Variants in CSMD1 observed in about 807,000 individuals in gnomAD.
The protein encoded by CSMD1 is CUB and sushi domain-containing protein 1.
In CSMD1, 213 loss-of-function variants were observed where a neutral mutation model predicts 417.5. The ratio of observed to expected loss-of-function variants is 0.51; its 90% confidence interval spans 0.46 to 0.57. CSMD1 has a LOEUF of 0.57. CSMD1 is among the 20% of genes least tolerant of loss of function. The pLI is 0.00. For missense variants in CSMD1, 6,923 were observed against 4,529.7 expected, an observed-to-expected ratio of 1.53 and a Z score of -15.17; for synonymous variants, 2,862 against 1,736.8, an observed-to-expected ratio of 1.65 and a Z score of -16.11.
intron 3 of CSMD1, among the ~76,000 whole-genome samples, chr8:4,188,987 G>A (rs907641850): frequency 2.0e-5 from 3 of 152,156 alleles, no homozygotes; most frequent in African/African-American, 4.8e-5. Context: ...CCTAATGTTG[G>A]ACTGTGATGT....
chr8:4,763,943 T>C (rs1812280812), intron 1 of CSMD1, among the ~76,000 whole-genome samples: 2 of 152,298 alleles, frequency 1.3e-5, no homozygotes, highest in African/African-American at 2.4e-5. Flanking sequence ...ATTATATTCC[T>C]TATGCCACTT....
At chr8:3,068,351 T>C (rs1813086384) in intron 49 of CSMD1, among the ~76,000 whole-genome samples, 1 of 152,198 alleles carries the variant, frequency 6.6e-6, no homozygotes, top group African/African-American at 2.4e-5. Context: ...TAGAAAACCA[T>C]GACTTTTTTA....
In CSMD1 at chr8:4,336,317, G is replaced by C. The variant is rs77178299; in HGVS notation, c.415+83636C>G. 5.4e-3 allele frequency among the ~76,000 whole-genome samples: 827 copies of C among 152,220 alleles called. 13 individuals carry two copies. In the East Asian group the frequency reaches 0.056, roughly 10 times the overall value. On this transcript the variant is annotated intron_variant, in intron 3 of 69. Coordinates refer to ENST00000635120, the MANE Select transcript of CSMD1 (RefSeq NM_033225.6). Reference sequence around the variant, plus strand: ...CTTTTAATGCCACGTAGCCTCTGTAGAAAGGCACATTTTTAGTTAGGAAGC... The same window carrying C: ...CTTTTAATGCCACGTAGCCTCTGTACAAAGGCACATTTTTAGTTAGGAAGC...
intron 3 of CSMD1, among the ~76,000 whole-genome samples, chr8:4,212,535 T>C (rs971636663): frequency 1.3e-5 from 2 of 151,990 alleles, no homozygotes; most frequent in Non-Finnish European, 2.9e-5. Flanking sequence ...AATTTTGAAA[T>C]TTGTAGCCTT....
At chr8:3,090,872 G>A (rs1229580029) in intron 48 of CSMD1, among the ~76,000 whole-genome samples, 2 of 152,118 alleles carry the variant, frequency 1.3e-5, no homozygotes, top group African/African-American at 4.8e-5. Flanking sequence ...ACTGATGATT[G>A]TATACAGGAT....
At chr8:2,945,640 G>A (rs1052242695) in intron 68 of CSMD1, among the ~76,000 whole-genome samples, 4 of 152,036 alleles carry the variant, frequency 2.6e-5, no homozygotes, top group African/African-American at 9.7e-5. Flanking sequence ...ATCGTACGAG[G>A]GTCTTCACAA....
chr8:3,296,492 G>A (rs1442428190), intron 25 of CSMD1, among the ~76,000 whole-genome samples: 2 of 152,106 alleles, frequency 1.3e-5, no homozygotes, highest in Non-Finnish European at 2.9e-5. Context: ...GGATTTTAAG[G>A]ATGATATACC....
At chr8:3,371,598 T>C (rs776937639) in intron 18 of CSMD1, among the ~76,000 whole-genome samples, 12 of 152,136 alleles carry the variant, frequency 7.9e-5, no homozygotes, top group Non-Finnish European at 1.6e-4. Context: ...TTCCAATTAG[T>C]ATGATCATTC....
intron 5 of CSMD1, among the ~76,000 whole-genome samples, chr8:3,881,663 C>G (rs941542549): frequency 6.9e-6 from 1 of 144,702 alleles, no homozygotes; most frequent in African/African-American, 2.5e-5. Flanking sequence ...CCAACAACAA[C>G]AAAAGAAAAC....
intron 3 of CSMD1, among the ~76,000 whole-genome samples, chr8:4,057,746 AC>A: frequency 6.6e-6 from 1 of 152,064 alleles, no homozygotes; most frequent in East Asian, 1.9e-4. Context: ...TCAGCTTTCT[AC>A]ATATGGCTAG....
chr8:4,449,454 T>C (rs972403344), intron 2 of CSMD1, among the ~76,000 whole-genome samples: 6 of 152,222 alleles, frequency 3.9e-5, no homozygotes, highest in African/African-American at 1.4e-4. Flanking sequence ...TTTTTGTTGA[T>C]AATTCAGTTA....
chr8:3,634,523 A>G (rs1038404568), intron 7 of CSMD1, among the ~76,000 whole-genome samples: 2 of 152,180 alleles, frequency 1.3e-5, no homozygotes, highest in African/African-American at 4.8e-5. Context: ...GACTCTGCCC[A>G]TGTACCTCTT....
chr8:3,066,737 A>T (rs1322367174), intron 49 of CSMD1, among the ~76,000 whole-genome samples: 1 of 152,212 alleles, frequency 6.6e-6, no homozygotes, highest in Non-Finnish European at 1.5e-5. Flanking sequence ...AATTCTGATA[A>T]TTGCATGGTA....
At chr8:4,838,325 A>T (rs1800624511) in intron 1 of CSMD1, among the ~76,000 whole-genome samples, 1 of 152,202 alleles carries the variant, frequency 6.6e-6, no homozygotes, top group Non-Finnish European at 1.5e-5. Flanking sequence ...TGGAAATAAA[A>T]TTAACAGGGT....
chr8:3,566,887 A>G (rs1799737496), intron 10 of CSMD1, among the ~76,000 whole-genome samples: 1 of 152,212 alleles, frequency 6.6e-6, no homozygotes, highest in Admixed American at 6.5e-5. Flanking sequence ...TGACATCTAA[A>G]GACAGAAATC....
intron 4 of CSMD1, among the ~76,000 whole-genome samples, chr8:4,028,218 T>G (rs1250448256): frequency 1.3e-5 from 2 of 152,226 alleles, no homozygotes; most frequent in Admixed American, 1.3e-4. Flanking sequence ...GACAGAGGAA[T>G]AATTCAAATA....
chr8:3,480,437 T>A (rs1584298), intron 11 of CSMD1, among the ~76,000 whole-genome samples: 119,406 of 152,150 alleles, frequency 0.78, 47,147 homozygotes, highest in African/African-American at 0.87. Context: ...ACAAAACAAA[T>A]ACACATAGAA....
At chr8:3,697,069 C>G (rs912258507) in intron 7 of CSMD1, among the ~76,000 whole-genome samples, 2 of 152,164 alleles carry the variant, frequency 1.3e-5, no homozygotes, top group African/African-American at 4.8e-5. Context: ...AGCAGCTTCT[C>G]CTGATGCCAT....
chr8:3,604,546 T>G (rs568062950), intron 8 of CSMD1, among the ~76,000 whole-genome samples: 2 of 151,210 alleles, frequency 1.3e-5, no homozygotes, highest in African/African-American at 2.4e-5. Flanking sequence ...GAGATATCAG[T>G]GTATGCATCT....
Sources: allele counts gnomAD v4.1 joint callset (sites outside exome capture counted in the v4.1 genomes callset), GRCh38; gene constraint gnomAD v4.1.1; transcripts MANE v1.5; gene names NCBI Gene and HGNC (gene_info 2026-07-23, HGNC 2026-07-21).